The following CBX1 variants were observed in gnomAD, a reference collection of about 807,000 sequenced individuals.
CBX1 encodes the protein chromobox 1.
A neutral mutation model predicts 25.1 loss-of-function variants in CBX1; 10 were observed. The ratio of observed to expected loss-of-function variants is 0.40; its 90% CI spans 0.25 to 0.68. The LOEUF is 0.68. Ranked by LOEUF, CBX1 falls within the 30% of genes least tolerant of loss-of-function variation. CBX1 has a pLI of 0.40. For synonymous variants in CBX1, 63 were observed against 79.4 expected (o/e 0.79, Z 1.10); for missense variants, 106 against 218.5 (o/e 0.49, Z 3.25).
chr17:48,072,335 T>C (rs2037632706), intron 4 of CBX1, among the ~76,000 whole-genome samples: 1 of 151,594 alleles, frequency 6.6e-6, no homozygotes, highest in African/African-American at 2.4e-5. Context: ...ATACCACATC[T>C]GGCATTGGCC....
At chr17:48,081,172 G>C (rs943998634) in intron 1 of CBX1, among the ~76,000 whole-genome samples, 1 of 150,752 alleles carries the variant, frequency 6.6e-6, no homozygotes, top group Non-Finnish European at 1.5e-5. Flanking sequence ...CACCTGCCTT[G>C]ACCTCCCAAA....
intron 1 of CBX1, chr17:48,088,243 G>A (rs1206784333): frequency 1.3e-5 from 2 of 151,838 alleles, no homozygotes; most frequent in African/African-American, 2.4e-5. Flanking sequence ...CCTGGGAGGT[G>A]GAGGTTACAG....
At chr17:48,091,537 T>C (rs894669342) in intron 1 of CBX1, among the ~76,000 whole-genome samples, 4 of 22,072 alleles carry the variant, frequency 1.8e-4, no homozygotes, top group Non-Finnish European at 5.0e-4. Flanking sequence ...ACCATGCCCT[T>C]TTTTTTTTTT....
intron 1 of CBX1, chr17:48,100,621 T>C (rs187932986): frequency 1.6e-6 from 1 of 632,690 alleles, no homozygotes; most frequent in Admixed American, 6.3e-5. Flanking sequence ...TATAGAAATA[T>C]TCTCGGGATC....
chr17:48,084,758 A>G (rs2037771961), intron 1 of CBX1, among the ~76,000 whole-genome samples: 1 of 149,738 alleles, frequency 6.7e-6, no homozygotes, highest in African/African-American at 2.5e-5. Flanking sequence ...AATGTACAAA[A>G]AATTAGCTGG....
At chr17:48,079,679 G>C (rs566894114) in intron 1 of CBX1, among the ~76,000 whole-genome samples, 4 of 152,052 alleles carry the variant, frequency 2.6e-5, no homozygotes, top group African/African-American at 9.6e-5. Flanking sequence ...ATTTTTAGTA[G>C]AGACAAGTTC....
intron 1 of CBX1, among the ~76,000 whole-genome samples, chr17:48,090,342 T>C (rs2063338012): frequency 6.6e-6 from 1 of 152,192 alleles, no homozygotes; most frequent in Admixed American, 6.6e-5. Flanking sequence ...TATATATTTT[T>C]TTCTAGCCAA....
intron 4 of CBX1, among the ~76,000 whole-genome samples, chr17:48,074,455 A>G (rs911050909): frequency 1.3e-5 from 2 of 152,236 alleles, no homozygotes; most frequent in Non-Finnish European, 2.9e-5. Context: ...TATCACTGGT[A>G]TTTATACTCA....
intron 1 of CBX1, among the ~76,000 whole-genome samples, chr17:48,093,450 A>G (rs2063355498): frequency 6.6e-6 from 1 of 152,210 alleles, no homozygotes; most frequent in Non-Finnish European, 1.5e-5. Flanking sequence ...AGGTTGGAGG[A>G]AGAACTGGCG....
intron 4 of CBX1, among the ~76,000 whole-genome samples, chr17:48,074,728 C>T (rs573270762): frequency 1.3e-5 from 2 of 152,032 alleles, no homozygotes; most frequent in East Asian, 3.9e-4. Context: ...CCTTTATTTA[C>T]AGAAGTGAAA....
chr17:48,078,382 C>T (rs191538439), intron 1 of CBX1, among the ~76,000 whole-genome samples: 257 of 151,990 alleles, frequency 1.7e-3, no homozygotes, highest in African/African-American at 6.0e-3. Flanking sequence ...TTAGTAGAGA[C>T]GGGGTTTCAC....
In CBX1 at chr17:48,076,060, C is replaced by T; in HGVS notation, c.259G>A (p.Ala87Thr). Residue 87 changes from alanine to threonine, a missense_variant, in exon 3 of 5, where the codon GCT (alanine) becomes ACT (threonine). Around this residue, in one of 4 missense-constraint regions of CBX1, gnomAD observed 71 missense variants for 144.1 expected, o/e 0.49. Coordinates refer to ENST00000225603, the MANE Select transcript of CBX1 (RefSeq NM_001127228.2). Reference protein sequence around the residue: ...TDKSEGGKRKADSDSEDKGEE... With the variant: ...TDKSEGGKRKTDSDSEDKGEE... Reference sequence around the variant, plus strand: ...CCCTTATCTTCAGAATCAGAATCAGCTTTGCGCTTGCCTCCCTCTGATTTA... The same window carrying T: ...CCCTTATCTTCAGAATCAGAATCAGTTTTGCGCTTGCCTCCCTCTGATTTA... 2 of 1,613,406 alleles carry T rather than the reference C, an allele frequency of 1.2e-6. No homozygotes were observed. The highest frequency in any genetic ancestry group is 1.7e-6 in the Non-Finnish European group (2 of 1,179,438).
At chr17:48,086,724 G>A (rs2063313997) in intron 1 of CBX1, among the ~76,000 whole-genome samples, 1 of 151,928 alleles carries the variant, frequency 6.6e-6, no homozygotes, top group Admixed American at 6.6e-5. Context: ...GGGCGTGGTC[G>A]TGCACATCTG....
At chr17:48,097,667 G>C (rs1409234172) in intron 1 of CBX1, among the ~76,000 whole-genome samples, 1 of 151,826 alleles carries the variant, frequency 6.6e-6, no homozygotes, top group Non-Finnish European at 1.5e-5. Flanking sequence ...CACTCAAAGT[G>C]TCAACTATTA....
At chr17:48,098,153 T>TG (rs1178619349) in intron 1 of CBX1, among the ~76,000 whole-genome samples, 1 of 152,050 alleles carries the variant, frequency 6.6e-6, no homozygotes, top group East Asian at 1.9e-4. Flanking sequence ...CAAGAGGCTG[T>TG]GGTGGGAGGA....
At chr17:48,097,765 C>T (rs1450390300) in intron 1 of CBX1, among the ~76,000 whole-genome samples, 2 of 152,148 alleles carry the variant, frequency 1.3e-5, no homozygotes, top group Non-Finnish European at 2.9e-5. Context: ...AGATTTAATA[C>T]AAGTTATTCT....
At chr17:48,093,740 A>G (rs1278339875) in intron 1 of CBX1, among the ~76,000 whole-genome samples, 1 of 152,204 alleles carries the variant, frequency 6.6e-6, no homozygotes. Flanking sequence ...CAAAATCTAC[A>G]TTCCTGTCAA....
At chr17:48,099,738 T>C (rs1186121763) in intron 1 of CBX1, among the ~76,000 whole-genome samples, 4 of 152,194 alleles carry the variant, frequency 2.6e-5, no homozygotes, top group African/African-American at 9.6e-5. Context: ...TTCTAGTATA[T>C]AACTGATTAT....
intron 1 of CBX1, among the ~76,000 whole-genome samples, chr17:48,098,904 G>A (rs1388463293): frequency 2.6e-5 from 4 of 152,126 alleles, no homozygotes; most frequent in African/African-American, 9.7e-5. Flanking sequence ...TTCAAATGGT[G>A]TGAACAACAA....
Sources: gnomAD v4.1 joint callset for allele counts (sites outside exome capture counted in the v4.1 genomes callset) on GRCh38, gnomAD v4.1.1 for gene constraint, gnomAD v4.1.1 regional missense constraint, MANE v1.5 for transcripts, NCBI Gene and HGNC (gene_info 2026-07-23, HGNC 2026-07-21) for gene names.